Variants in ARHGEF28 observed in about 807,000 individuals in gnomAD.
ARHGEF28 encodes 190 kDa guanine nucleotide exchange factor.
ARHGEF28 carries 152 observed loss-of-function variants against 206.6 expected under a neutral mutation model. That is an observed-to-expected ratio of 0.74 (90% CI 0.64 to 0.84). The LOEUF is 0.84. Ranked by LOEUF, ARHGEF28 falls within the 40% of genes least tolerant of loss-of-function variation. The probability of loss-of-function intolerance (pLI) is 0.00; values close to 1 mark genes in which losing one functional copy is unlikely to be tolerated. For synonymous variants in ARHGEF28, 763 were observed against 776.4 expected, an observed-to-expected ratio of 0.98 and a Z score of 0.29; for missense variants, 2,028 against 2,073.2, an observed-to-expected ratio of 0.98 and a Z score of 0.42.
intron 35 of ARHGEF28, among the ~76,000 whole-genome samples, chr5:73,915,370 A>C (rs192855698): frequency 4.0e-4 from 61 of 152,332 alleles, no homozygotes; most frequent in African/African-American, 1.3e-3. Flanking sequence ...AATATTTTTT[A>C]AGATAGAACT....
chr5:73,632,345 T>C (rs527294497), intron 1 of ARHGEF28, among the ~76,000 whole-genome samples: 5 of 152,310 alleles, frequency 3.3e-5, no homozygotes, highest in African/African-American at 1.2e-4. Context: ...TTGATTAAAA[T>C]CTGAGTCTTT....
chr5:73,911,442 T>G lies in ARHGEF28; in HGVS notation c.4815T>G (p.Thr1605=). Residue 1605 remains threonine, a synonymous_variant, in exon 35 of 36, where the codon ACT becomes ACG. Transcript: ENST00000513042. ...TTQSHSDLVR[T]SEHQVDLKVD... ...AATCTCATTCTGACTTGGTGAGGAC[T>G]AGTGAACATCAAGTAGACCTCAAGG... 2 of 1,614,028 alleles carry G rather than the reference T, an allele frequency of 1.2e-6. No homozygotes were observed. Among genetic ancestry groups the G allele is most frequent in the Non-Finnish European group, 1.7e-6 (2 of 1,179,894 alleles).
At chr5:73,823,089 C>G (rs1756695124) in intron 9 of ARHGEF28, among the ~76,000 whole-genome samples, 1 of 152,184 alleles carries the variant, frequency 6.6e-6, no homozygotes, top group Non-Finnish European at 1.5e-5. Flanking sequence ...GGGCTTTGCT[C>G]TCTGTCAGGA....
intron 29 of ARHGEF28, 49 bp downstream of exon 29, chr5:73,894,624 A>G (rs1490518509): frequency 1.3e-6 from 2 of 1,582,308 alleles, no homozygotes; most frequent in Non-Finnish European, 8.6e-7. Flanking sequence ...GAAAATGTTT[A>G]TTGAACACCT....
chr5:73,887,412 C>T, intron 25 of ARHGEF28, 191 bp from the exon 26 acceptor site: 1 of 429,846 alleles, frequency 2.3e-6, no homozygotes, highest in East Asian at 3.6e-5. Context: ...ATACCTACAG[C>T]CACACACAAA....
intron 2 of ARHGEF28, among the ~76,000 whole-genome samples, chr5:73,739,875 A>T (rs933126970): frequency 2.0e-5 from 3 of 149,588 alleles, no homozygotes; most frequent in Non-Finnish European, 3.0e-5. Context: ...AAAAATAAAA[A>T]ATAAACCTGG....
At position 73,832,416 on chromosome 5, in the gene ARHGEF28, A is replaced by G; in HGVS notation, c.1103A>G (p.Asn368Ser). Residue 368 changes from asparagine (N) to serine (S), a missense_variant, in exon 10 of 36, where the codon AAT becomes AGT. Around this residue, in one of 3 missense-constraint regions of ARHGEF28, gnomAD observed 1,002 missense variants for 1,015.3 expected, o/e 0.99. Transcript: ENST00000513042. ...LAAGRLSDML[N>S]GGDEVYANCM... ...GCAGGCCGGCTTTCAGACATGCTGA[A>G]TGGAGGTGATGAAGTCTACGCTAAC... The G allele has an allele frequency of 6.2e-7, 1 of 1,612,664 alleles. No individual in the cohort carries two copies. Among genetic ancestry groups the G allele is most frequent in the Non-Finnish European group, 8.5e-7 (1 of 1,179,366 alleles).
At chr5:73,650,150 A>G (rs1744710064) in intron 1 of ARHGEF28, among the ~76,000 whole-genome samples, 1 of 152,060 alleles carries the variant, frequency 6.6e-6, no homozygotes, top group South Asian at 2.1e-4. Context: ...GGGACAGGAT[A>G]TGAGTTAAAG....
At chr5:73,780,462 A>C (rs1013992926) in intron 6 of ARHGEF28, 3 of 547,800 alleles carry the variant, frequency 5.5e-6, no homozygotes, top group Admixed American at 3.1e-5. Flanking sequence ...AGTGGCAGGG[A>C]CTTTGGCCCC....
rs138662830 is a variant in ARHGEF28, at chr5:73,858,822, T to A, written c.2047+603T>A. Among the ~76,000 whole-genome samples, 452 of 152,290 alleles carry A rather than the reference T, an allele frequency of 3.0e-3. 1 individual carries two copies. The highest frequency in any genetic ancestry group is 0.01 in the African/African-American group (428 of 41,558). ...CGTTCAAAAAAATCTCCCAATGGCT[T>A]CCTATACCTCAAGTATAGACTGAAG... On this transcript the variant is annotated intron_variant, in intron 16 of 35. Coordinates refer to ENST00000513042, the MANE Select transcript of ARHGEF28 (RefSeq NM_001177693.2).
chr5:73,902,452 A>G (rs1762323084), intron 31 of ARHGEF28: 1 of 152,194 alleles, frequency 6.6e-6, no homozygotes, highest in Non-Finnish European at 1.5e-5. Flanking sequence ...CAATTCAGCT[A>G]CAGGTAGATA....
chr5:73,840,846 A>G (rs1757946956), intron 11 of ARHGEF28, 86 bp downstream of exon 11: 2 of 1,371,658 alleles, frequency 1.5e-6, no homozygotes, highest in African/African-American at 1.5e-5. Context: ...TAAACTTTTT[A>G]TTGTCTCTAC....
chr5:73,676,257 C>A (rs956108295), intron 1 of ARHGEF28, among the ~76,000 whole-genome samples: 9 of 144,834 alleles, frequency 6.2e-5, no homozygotes, highest in Admixed American at 2.8e-4. Flanking sequence ...TTTTTTTAGG[C>A]AGAGTTTTGC....
chr5:73,662,169 T>A (rs1352177510), intron 1 of ARHGEF28, among the ~76,000 whole-genome samples: 1 of 152,240 alleles, frequency 6.6e-6, no homozygotes, highest in Non-Finnish European at 1.5e-5. Flanking sequence ...TGTGAAGATC[T>A]GCTTTCATTT....
chr5:73,868,383 A>C (rs1040848290), intron 20 of ARHGEF28, among the ~76,000 whole-genome samples, 156 bp downstream of exon 20: 4 of 152,160 alleles, frequency 2.6e-5, no homozygotes, highest in Non-Finnish European at 5.9e-5. Context: ...TTTTTAAACG[A>C]ATGAAAATTT....
chr5:73,633,919 A>G (rs1743536516), intron 1 of ARHGEF28, among the ~76,000 whole-genome samples: 1 of 152,112 alleles, frequency 6.6e-6, no homozygotes, highest in Non-Finnish European at 1.5e-5. Context: ...CCACGTTCAT[A>G]GTCATCTCAA....
intron 31 of ARHGEF28, chr5:73,902,714 G>A (rs1286379695): frequency 6.6e-6 from 1 of 152,042 alleles, no homozygotes; most frequent in Non-Finnish European, 1.5e-5. Flanking sequence ...TGGATAAATC[G>A]CCAACTGCAG....
intron 10 of ARHGEF28, among the ~76,000 whole-genome samples, chr5:73,837,710 T>TTC (rs1561443986): frequency 4.0e-5 from 6 of 150,958 alleles, no homozygotes; most frequent in East Asian, 1.9e-4. Flanking sequence ...TTTCTTTCTT[T>TTC]CTTCCTTCCT....
At chr5:73,938,972 G>T (rs1370756920) in intron 35 of ARHGEF28, among the ~76,000 whole-genome samples, 3 of 145,832 alleles carry the variant, frequency 2.1e-5, no homozygotes, top group South Asian at 2.2e-4. Flanking sequence ...CTTTTTTTTG[G>T]CAAGTGACTC....
Sources: allele counts gnomAD v4.1 joint callset (sites outside exome capture counted in the v4.1 genomes callset), GRCh38; gene constraint gnomAD v4.1.1; regional missense constraint gnomAD v4.1.1; transcripts MANE v1.5; gene names NCBI Gene and HGNC (gene_info 2026-07-23, HGNC 2026-07-21).